The following LIN28B variants were observed in gnomAD, a reference collection of about 807,000 sequenced individuals.
LIN28B encodes the protein protein lin-28 homolog B.
A neutral mutation model predicts 21.9 loss-of-function variants in LIN28B; 5 were observed. That is an observed-to-expected ratio of 0.23 (90% CI 0.12 to 0.48). The LOEUF (loss-of-function observed/expected upper bound fraction) is 0.48. LIN28B is among the 20% of genes least tolerant of loss of function. The probability of loss-of-function intolerance (pLI) is 0.98; values close to 1 mark genes in which losing one functional copy is unlikely to be tolerated. For missense variants in LIN28B, 245 were observed against 310.5 expected (o/e 0.79, Z 1.58); for synonymous variants, 109 against 111.3 (o/e 0.98, Z 0.13).
intron 3 of LIN28B, among the ~76,000 whole-genome samples, chr6:105,068,794 T>C (rs1772270215): frequency 1.3e-5 from 2 of 152,262 alleles, no homozygotes; most frequent in African/African-American, 4.8e-5. Flanking sequence ...AGTTATCTTA[T>C]TAATGGCATT....
intron 3 of LIN28B, chr6:104,950,516 C>A: frequency 9.7e-7 from 1 of 1,035,986 alleles, no homozygotes; most frequent in Non-Finnish European, 1.2e-6. Context: ...CCAGGTTAGT[C>A]TTTTTTTTTT....
At chr6:105,030,592 C>CTTTTTTTTT (rs980799980) in intron 3 of LIN28B, among the ~76,000 whole-genome samples, 61 of 106,560 alleles carry the variant, frequency 5.7e-4, no homozygotes, top group Middle Eastern at 6.0e-3. Flanking sequence ...TTCTTTCTTT[C>CTTTTTTTTT]TTTTTTTTTT....
At chr6:105,075,765 C>A (rs1042562056) in intron 3 of LIN28B, among the ~76,000 whole-genome samples, 7 of 152,106 alleles carry the variant, frequency 4.6e-5, no homozygotes, top group African/African-American at 1.7e-4. Flanking sequence ...AATGAGTGGG[C>A]AAAATGGTTC....
upstream of LIN28B, among the ~76,000 whole-genome samples, chr6:104,956,397 T>G (rs1778291237): frequency 6.6e-6 from 1 of 152,156 alleles, no homozygotes; most frequent in Admixed American, 6.5e-5. Flanking sequence ...GAAGTACAAT[T>G]CCTTACCAAC....
chr6:104,996,460 C>G (rs1193005018), intron 2 of LIN28B, among the ~76,000 whole-genome samples: 3 of 152,184 alleles, frequency 2.0e-5, no homozygotes, highest in Non-Finnish European at 4.4e-5. Context: ...CAAGACAGCT[C>G]CTGACTGTGA....
chr6:104,986,268 A>G (rs928543367), intron 2 of LIN28B, among the ~76,000 whole-genome samples: 33 of 152,166 alleles, frequency 2.2e-4, no homozygotes, highest in Admixed American at 2.2e-3. Context: ...CCATGAGCCA[A>G]TTAAACATCT....
At chr6:104,939,379 A>G (rs1260106299) in intron 2 of LIN28B, 2 of 152,258 alleles carry the variant, frequency 1.3e-5, no homozygotes, top group East Asian at 3.8e-4. Context: ...CCACTAGCTC[A>G]ATGGAAAGTT....
At chr6:104,981,124 T>G (rs1265592494) in intron 2 of LIN28B, among the ~76,000 whole-genome samples, 1 of 152,182 alleles carries the variant, frequency 6.6e-6, no homozygotes, top group Non-Finnish European at 1.5e-5. Context: ...CTTTGTTTTT[T>G]TGTGTGTGCT....
intron 3 of LIN28B, among the ~76,000 whole-genome samples, chr6:105,047,031 A>G (rs2114376867): frequency 6.6e-6 from 1 of 152,140 alleles, no homozygotes; most frequent in South Asian, 2.1e-4. Flanking sequence ...ATTAGATCCC[A>G]TTTGTCAATG....
chr6:104,994,803 G>A (rs974875089), intron 2 of LIN28B, among the ~76,000 whole-genome samples: 12 of 152,166 alleles, frequency 7.9e-5, no homozygotes, highest in Admixed American at 2.6e-4. Context: ...GGGATGGAAA[G>A]GTTGGCCTTA....
intron 3 of LIN28B, among the ~76,000 whole-genome samples, chr6:105,046,164 C>A (rs1771756029): frequency 6.6e-6 from 1 of 152,110 alleles, no homozygotes; most frequent in Non-Finnish European, 1.5e-5. Flanking sequence ...TATCCGTCCC[C>A]CCTCCCTCCA....
intron 3 of LIN28B, among the ~76,000 whole-genome samples, 184 bp downstream of exon 3, chr6:105,026,666 G>C (rs372560393): frequency 1.3e-5 from 2 of 152,086 alleles, no homozygotes; most frequent in African/African-American, 4.8e-5. Flanking sequence ...GTACTGAACT[G>C]AGCCTTCAGC....
At chr6:105,033,651 C>G (rs151099995) in intron 3 of LIN28B, among the ~76,000 whole-genome samples, 97 of 151,682 alleles carry the variant, frequency 6.4e-4, no homozygotes, top group African/African-American at 2.3e-3. Flanking sequence ...AAGTTCATTA[C>G]AAAAAGAGTA....
intron 3 of LIN28B, among the ~76,000 whole-genome samples, chr6:105,064,915 A>G (rs1772192318): frequency 6.6e-6 from 1 of 152,210 alleles, no homozygotes; most frequent in Non-Finnish European, 1.5e-5. Context: ...TGTACTCATA[A>G]TAAAGCGATT....
At chr6:105,050,471 G>C (rs970936196) in intron 3 of LIN28B, among the ~76,000 whole-genome samples, 1 of 151,372 alleles carries the variant, frequency 6.6e-6, no homozygotes. Flanking sequence ...GCGCGGTGGC[G>C]GGTGCCTGTA....
chr6:105,025,352 C>T (rs1330807831), intron 2 of LIN28B, among the ~76,000 whole-genome samples: 1 of 152,076 alleles, frequency 6.6e-6, no homozygotes, highest in Non-Finnish European at 1.5e-5. Context: ...TTTGAACTGG[C>T]ACATTGACTT....
At chr6:105,028,039 A>G (rs552145306) in intron 3 of LIN28B, among the ~76,000 whole-genome samples, 2 of 152,336 alleles carry the variant, frequency 1.3e-5, no homozygotes, top group South Asian at 4.1e-4. Flanking sequence ...TTCTGCTCCC[A>G]TGGAGATAAT....
At chr6:104,999,290 A>G (rs1433387585) in intron 2 of LIN28B, among the ~76,000 whole-genome samples, 2 of 152,050 alleles carry the variant, frequency 1.3e-5, no homozygotes, top group Non-Finnish European at 2.9e-5. Flanking sequence ...TAGGCCTTTG[A>G]CACCACTTCC....
In LIN28B at chr6:105,083,170, C is replaced by T. The variant is rs978233603; in HGVS notation, c.*4387C>T. Reference sequence around the variant, plus strand: ...GTAGATGTTTGGAATGCGTTTCACTCGCATGCAGTCATCTGGAGGGACTGA... The same window carrying T: ...GTAGATGTTTGGAATGCGTTTCACTTGCATGCAGTCATCTGGAGGGACTGA... On this transcript the variant is annotated 3_prime_UTR_variant, in exon 4 of 4. Transcript: ENST00000345080. 6.6e-6 allele frequency: 1 copy of T among 152,588 alleles called. No individual in the cohort carries two copies. Among genetic ancestry groups the T allele is most frequent in the Non-Finnish European group, 1.5e-5 (1 of 68,042 alleles). 9.5% of individuals were successfully genotyped at this position (152,588 alleles called of 1,614,324 possible).
Sources: allele counts gnomAD v4.1 joint callset (sites outside exome capture counted in the v4.1 genomes callset), GRCh38; gene constraint gnomAD v4.1.1; transcripts MANE v1.5; gene names NCBI Gene and HGNC (gene_info 2026-07-23, HGNC 2026-07-21).